ITGA2B: variants seen among roughly 807,000 people sequenced by gnomAD.
ITGA2B encodes the protein integrin subunit alpha 2b.
In ITGA2B, 91 loss-of-function variants were observed where a neutral mutation model predicts 142.0. That is an observed-to-expected ratio of 0.64 (90% CI 0.54 to 0.76). The LOEUF is 0.76. Ranked by LOEUF, ITGA2B falls within the 30% of genes least tolerant of loss-of-function variation. The pLI is 0.00. For synonymous variants in ITGA2B, 536 were observed against 567.2 expected (o/e 0.94, Z 0.78); for missense variants, 1,231 against 1,350.8 (o/e 0.91, Z 1.39).
chr17:44,388,814 G>GCC (rs369988305), intron 1 of ITGA2B, among the ~76,000 whole-genome samples: 60,218 of 129,206 alleles, frequency 0.47, 15,179 homozygotes, highest in Middle Eastern at 0.58. Context: ...ACTGTGCCTG[G>GCC]TCTCTTTTTT....
chr17:44,378,423 G>GCT lies in ITGA2B; in HGVS notation c.2031_2032dup (p.Ala678GlufsTer18). 1 of 1,613,556 alleles carries GCT rather than the reference G, an allele frequency of 6.2e-7. No homozygotes were observed. On this transcript the variant is annotated frameshift_variant, in exon 20 of 30. Transcript: ENST00000262407. LOFTEE classifies it high-confidence loss of function. ...CTGGGGCAGGTGCACGGCCAGCTCT[G>GCT]CTTCATAGGCCCCCTCGCCCTCGTT...
chr17:44,374,576 C>T, intron 28 of ITGA2B, 83 bp downstream of exon 28: 1 of 1,516,738 alleles, frequency 6.6e-7, no homozygotes, highest in Non-Finnish European at 9.2e-7. Context: ...CCCGTACCAC[C>T]CCTCAGACTT....
intron 20 of ITGA2B, 144 bp downstream of exon 20, chr17:44,378,218 T>C: frequency 8.8e-7 from 1 of 1,130,368 alleles, no homozygotes; most frequent in Non-Finnish European, 1.2e-6. Context: ...CAAGTATTCC[T>C]CCTCCAAATT....
chr17:44,388,992 G>T (rs1351796964), intron 1 of ITGA2B, among the ~76,000 whole-genome samples: 2 of 152,006 alleles, frequency 1.3e-5, no homozygotes, highest in African/African-American at 4.8e-5. Context: ...GGTGTTGAGG[G>T]TGGAGTGGTT....
intron 8 of ITGA2B, 32 bp from the exon 9 acceptor site, chr17:44,384,386 G>A: frequency 1.2e-6 from 2 of 1,613,384 alleles, no homozygotes; most frequent in Non-Finnish European, 1.7e-6. Context: ...CTCAGGGAAT[G>A]AGAGCCTTAG....
In ITGA2B at chr17:44,376,090, A is replaced by T. The variant is rs1341769648; in HGVS notation, c.2443T>A (p.Tyr815Asn). 2.5e-6 allele frequency: 4 copies of T among 1,614,012 alleles called. No individual in the cohort carries two copies. The highest frequency in any genetic ancestry group is 3.4e-6 in the Non-Finnish European group (4 of 1,179,996). The change falls in exon 24 of 30, where the codon TAT becomes AAT. Residue 815 changes from tyrosine to asparagine, a missense_variant. Around this residue, in one of 3 missense-constraint regions of ITGA2B, gnomAD observed 908 missense variants for 1,021.1 expected, o/e 0.89. Transcript: ENST00000262407. ...GACGCGAGGCTCCCCAATACCTCAT[A>T]GGTGTGCTCCACTTTGGGTCCCCAG... ...DSWGPKVEHT[Y>N]ELHNNGPGTV...
At chr17:44,377,282 A>G (rs1342994304) in intron 21 of ITGA2B, among the ~76,000 whole-genome samples, 194 bp from the exon 22 acceptor site, 1 of 147,148 alleles carries the variant, frequency 6.8e-6, no homozygotes, top group African/African-American at 2.5e-5. Context: ...TGCAACCTCC[A>G]CCTCCCAGGT....
Position 44,377,751 on chromosome 17 carries a change from C to T in ITGA2B, c.2134G>A (p.Glu712Lys), listed in dbSNP as rs1240131719. 3.7e-6 allele frequency: 6 copies of T among 1,613,852 alleles called. No individual in the cohort carries two copies. The highest frequency in any genetic ancestry group is 5.1e-6 in the Non-Finnish European group (6 of 1,179,954). The change falls in exon 21 of 30, where the codon GAG becomes AAG. Residue 712 changes from glutamate to lysine, a missense_variant. Glu to Lys is a moderately conservative substitution (Grantham distance 56). Coordinates refer to ENST00000262407, the MANE Select transcript of ITGA2B (RefSeq NM_000419.5). ...AGCTCACACAGCACCACCCTGGTCT[C>T]ATTCTCCTTCTTCTGATTACAGATG... is the stretch of plus-strand genomic sequence containing the variant. ...RLICNQKKEN[E>K]TRVVLCELGN...
chr17:44,384,475 T>A, intron 8 of ITGA2B, 63 bp downstream of exon 8: 1 of 1,610,336 alleles, frequency 6.2e-7, no homozygotes, highest in Non-Finnish European at 8.5e-7. Flanking sequence ...ATAGGGGAGA[T>A]TTCAGGAAGG....
At chr17:44,376,281 C>T in intron 23 of ITGA2B, 27 bp downstream of exon 23, 2 of 1,614,092 alleles carry the variant, frequency 1.2e-6, no homozygotes, top group Non-Finnish European at 1.7e-6. Flanking sequence ...TGAATGCCAT[C>T]TCCCTTCTCC....
At position 44,374,746 on chromosome 17, in the gene ITGA2B, C is replaced by G; in HGVS notation, c.2856G>C (p.Gln952His). The G allele has an allele frequency of 6.2e-7, 1 of 1,614,046 alleles. No homozygotes were observed. The highest frequency in any genetic ancestry group is 2.2e-5 in the East Asian group (1 of 44,872). Residue 952 changes from glutamine to histidine, a missense_variant, in exon 28 of 30, where the codon CAG becomes CAC. Around this residue, in one of 3 missense-constraint regions of ITGA2B, gnomAD observed 908 missense variants for 1,021.1 expected, o/e 0.89. Coordinates refer to ENST00000262407, the MANE Select transcript of ITGA2B (RefSeq NM_000419.5). ...LPSLYQRPLD[Q>H]FVLQSHAWFN... ...ACCATGCGTGCGACTGCAGCACAAA[C>G]TGATCCAGAGGCCTCTGGACAGGTT... is the stretch of plus-strand genomic sequence containing the variant.
Position 44,385,941 on chromosome 17 carries a change from G to A in ITGA2B, c.311-20C>T. The A allele has an allele frequency of 6.2e-7, 1 of 1,614,034 alleles. No individual in the cohort carries two copies. The highest frequency in any genetic ancestry group is 8.5e-7 in the Non-Finnish European group (1 of 1,179,952). ...CATCACCTGGAAGGCACAAGAAGGGGTGGGGCGCTGAAGCCCGGCAGTCCA... is the reference window on the plus strand; with the variant it reads ...CATCACCTGGAAGGCACAAGAAGGGATGGGGCGCTGAAGCCCGGCAGTCCA... On this transcript the variant is annotated intron_variant, in intron 2 of 29. Transcript: ENST00000262407.
chr17:44,379,327 T>C (rs541745180), intron 18 of ITGA2B, among the ~76,000 whole-genome samples: 1 of 150,682 alleles, frequency 6.6e-6, no homozygotes, highest in Non-Finnish European at 1.5e-5. Flanking sequence ...CTTGGCTCAC[T>C]GCAACCTCTG....
chr17:44,380,255 GA>G lies in ITGA2B; in HGVS notation c.1590del (p.Gln531ArgfsTer5). On this transcript the variant is annotated frameshift_variant, in exon 16 of 30. Transcript: ENST00000262407. LOFTEE classifies it high-confidence loss of function. ...MCVGATGHNI[P>X]QKLSLNAELQ... is the part of the protein sequence containing the mutation. ...CCTTCATGCCACTCACATAGCTTCTGAGGAATGTTGTGCCCAGTGGCTCCAA... is the reference window on the plus strand; with the variant it reads ...CCTTCATGCCACTCACATAGCTTCTGGGAATGTTGTGCCCAGTGGCTCCAA... The G allele has an allele frequency of 6.2e-7, 1 of 1,614,216 alleles. No homozygotes were observed. The highest frequency in any genetic ancestry group is 1.3e-5 in the African/African-American group (1 of 75,052).
At position 44,384,156 on chromosome 17, in the gene ITGA2B, G is replaced by T; in HGVS notation, c.892-18C>A. 1 of 1,612,474 alleles carries T rather than the reference G, an allele frequency of 6.2e-7. No homozygotes were observed. Among genetic ancestry groups the T allele is most frequent in the Non-Finnish European group, 8.5e-7 (1 of 1,179,482 alleles). ...ATTTCCACCTGCACGGACAGCGCAG[G>T]CGAGAGCATCATTCTTGTACCCAAA... is the stretch of plus-strand genomic sequence containing the variant. On this transcript the variant is annotated intron_variant, in intron 9 of 29. Coordinates refer to ENST00000262407, the MANE Select transcript of ITGA2B (RefSeq NM_000419.5).
chr17:44,379,707 G>A lies in ITGA2B; in HGVS notation c.1860C>T (p.Asp620=), dbSNP rs2048576754. The A allele has an allele frequency of 1.9e-6, 3 of 1,613,866 alleles. No individual in the cohort carries two copies. Among genetic ancestry groups the A allele is most frequent in the Admixed American group, 1.7e-5 (1 of 60,012 alleles). The change falls in exon 18 of 30, where the codon GAC becomes GAT. Residue 620 remains aspartate, a synonymous_variant. Coordinates refer to ENST00000262407, the MANE Select transcript of ITGA2B (RefSeq NM_000419.5). The part of the protein sequence containing the change: ...GMAPAVVLHG[D]THVQEQTRIV... ...TCCCTACCTGCTCCTGCACATGGGT[G>A]TCTCCATGCAGCACGACAGCAGGGG... is the stretch of plus-strand genomic sequence containing the variant.
In ITGA2B at chr17:44,379,689, C is replaced by G. The variant is rs80277041; in HGVS notation, c.1878G>C (p.Gln626His). The G allele has an allele frequency of 1.9e-6, 3 of 1,613,812 alleles. No homozygotes were observed. Among genetic ancestry groups the G allele is most frequent in the African/African-American group, 1.3e-5 (1 of 74,996 alleles). Reference sequence around the variant, plus strand: ...CTGGCCTGTCCCTGCCTGTCCCTACCTGCTCCTGCACATGGGTGTCTCCAT... The same window carrying G: ...CTGGCCTGTCCCTGCCTGTCCCTACGTGCTCCTGCACATGGGTGTCTCCAT... ...VLHGDTHVQEQTRIVLDCGED... is the reference protein window; with the variant it reads ...VLHGDTHVQEHTRIVLDCGED... The change falls in exon 18 of 30, where the codon CAG becomes CAC. Residue 626 changes from glutamine (Q) to histidine (H), a missense_variant and splice_region_variant. Transcript: ENST00000262407.
chr17:44,380,974 C>G lies in ITGA2B; in HGVS notation c.1298G>C (p.Arg433Pro). 2 of 1,613,824 alleles carry G rather than the reference C, an allele frequency of 1.2e-6. No homozygotes were observed. The highest frequency in any genetic ancestry group is 8.5e-7 in the Non-Finnish European group (1 of 1,179,792). ...GGGGCTGTCCAGGACCTGGGAGGGA[C>G]GTGACCTCAGCCCCTCACTCTGACC... ...FLGQSEGLRS[R>P]PSQVLDSPFP... Residue 433 changes from arginine (R) to proline (P), a missense_variant, in exon 13 of 30, where the codon CGT (arginine) becomes CCT (proline). Physicochemically the swap from Arg to Pro is moderately radical, Grantham distance 103. This residue lies in a region of ITGA2B where 908 missense variants were observed against 1,021.1 expected (regional missense o/e 0.89). Transcript: ENST00000262407.
Position 44,389,292 on chromosome 17 carries a change from T to C in ITGA2B, c.182A>G (p.His61Arg). ...GFSLDFHKDS[H>R]GRVAIVVGAP... is the part of the protein sequence containing the mutation. ...AACTTCCCTTACGGCTCACCTCCCA[T>C]GGCTGTCCTTGTGGAAGTCCAGTGA... The change falls in exon 1 of 30, where the codon CAT becomes CGT. Residue 61 changes from histidine (H) to arginine (R), a missense_variant. His to Arg is a conservative substitution (Grantham distance 29, BLOSUM62 0). Around this residue, in one of 3 missense-constraint regions of ITGA2B, gnomAD observed 318 missense variants for 312.2 expected, o/e 1.02. Transcript: ENST00000262407. 8.7e-6 allele frequency: 14 copies of C among 1,614,154 alleles called. No individual in the cohort carries two copies. Among genetic ancestry groups the C allele is most frequent in the Non-Finnish European group, 1.2e-5 (14 of 1,180,026 alleles).
Sources: allele counts gnomAD v4.1 joint callset (sites outside exome capture counted in the v4.1 genomes callset), GRCh38; gene constraint gnomAD v4.1.1; regional missense constraint gnomAD v4.1.1; transcripts MANE v1.5; gene names NCBI Gene and HGNC (gene_info 2026-07-23, HGNC 2026-07-21).